Variants in RGS9 observed in about 807,000 individuals in gnomAD.
RGS9 encodes regulator of G-protein signalling 9.
Under a neutral mutation model 102.0 loss-of-function variants are expected in RGS9, and 78 were observed. The ratio of observed to expected loss-of-function variants is 0.76; its 90% CI spans 0.64 to 0.92. RGS9 has a LOEUF of 0.92. RGS9 is among the 40% of genes least tolerant of loss of function. RGS9 has a pLI of 0.00. For missense variants in RGS9, 833 were observed against 866.1 expected (o/e 0.96, Z 0.48); for synonymous variants, 353 against 318.6 (o/e 1.11, Z -1.15).
intron 1 of RGS9, among the ~76,000 whole-genome samples, chr17:65,145,548 C>A (rs1432718288): frequency 7.9e-6 from 1 of 126,524 alleles, no homozygotes; most frequent in Non-Finnish European, 1.6e-5. Flanking sequence ...CCACTCCTGG[C>A]TATTTTTTTT....
intron 13 of RGS9, among the ~76,000 whole-genome samples, chr17:65,197,599 G>A (rs575869232): frequency 9.9e-5 from 15 of 152,218 alleles, no homozygotes; most frequent in African/African-American, 3.4e-4. Context: ...AGGAAGGGAA[G>A]GGAGACAGGC....
At chr17:65,177,920 AAG>A in intron 9 of RGS9, 117 bp downstream of exon 9, 4 of 841,322 alleles carry the variant, frequency 4.8e-6, no homozygotes, top group Non-Finnish European at 6.1e-6. Flanking sequence ...GAGACTATCA[AAG>A]AGAGGAGGAC....
chr17:65,197,512 A>G (rs1339820641), intron 13 of RGS9, among the ~76,000 whole-genome samples: 1 of 152,166 alleles, frequency 6.6e-6, no homozygotes, highest in Non-Finnish European at 1.5e-5. Flanking sequence ...TGAGGGCTCC[A>G]TCCATCCTGG....
At chr17:65,177,243 T>C (rs780502861) in intron 8 of RGS9, among the ~76,000 whole-genome samples, 1 of 151,396 alleles carries the variant, frequency 6.6e-6, no homozygotes, top group Non-Finnish European at 1.5e-5. Context: ...TATTCATTCA[T>C]CCATCCACCC....
At chr17:65,151,121 G>A (rs1305759173) in intron 1 of RGS9, among the ~76,000 whole-genome samples, 2 of 152,166 alleles carry the variant, frequency 1.3e-5, no homozygotes, top group South Asian at 2.1e-4. Flanking sequence ...GAGGCAGGTG[G>A]ATCACTTGAG....
chr17:65,189,185 G>A, intron 9 of RGS9, 101 bp from the exon 10 acceptor site: 1 of 941,146 alleles, frequency 1.1e-6, no homozygotes, highest in Non-Finnish European at 1.7e-6. Context: ...AAAAAAATGG[G>A]CATTTTTCTC....
chr17:65,157,897 C>T (rs578016853), intron 2 of RGS9, among the ~76,000 whole-genome samples: 29 of 151,260 alleles, frequency 1.9e-4, no homozygotes, highest in Non-Finnish European at 3.1e-4. Flanking sequence ...CAGCTTGCCT[C>T]GGGTCTGTTT....
At chr17:65,170,304 C>T (rs772242208) in intron 8 of RGS9, among the ~76,000 whole-genome samples, 6 of 152,144 alleles carry the variant, frequency 3.9e-5, no homozygotes, top group Admixed American at 1.3e-4. Context: ...CTGCCTGCCT[C>T]GGCCTCCCAA....
chr17:65,174,454 TG>T (rs1911539441), intron 8 of RGS9, among the ~76,000 whole-genome samples: 1 of 151,912 alleles, frequency 6.6e-6, no homozygotes, highest in Non-Finnish European at 1.5e-5. Context: ...CATGTGTGCA[TG>T]TGTGTGAGCA....
At chr17:65,165,542 A>G (rs1162018630) in intron 7 of RGS9, among the ~76,000 whole-genome samples, 1 of 152,054 alleles carries the variant, frequency 6.6e-6, no homozygotes, top group African/African-American at 2.4e-5. Flanking sequence ...GCTACTCAAG[A>G]TCTCATGTTG....
At chr17:65,170,556 C>T (rs1469205337) in intron 8 of RGS9, among the ~76,000 whole-genome samples, 1 of 152,186 alleles carries the variant, frequency 6.6e-6, no homozygotes, top group Non-Finnish European at 1.5e-5. Context: ...GCACTTCTGC[C>T]TCTCATGACA....
At chr17:65,162,145 A>G (rs982666444) in intron 6 of RGS9, among the ~76,000 whole-genome samples, 1 of 152,132 alleles carries the variant, frequency 6.6e-6, no homozygotes, top group Non-Finnish European at 1.5e-5. Context: ...TAATCCCAGC[A>G]TTTTGGGAGG....
intron 1 of RGS9, among the ~76,000 whole-genome samples, chr17:65,148,781 C>G (rs745612359): frequency 6.6e-6 from 1 of 152,050 alleles, no homozygotes; most frequent in African/African-American, 2.4e-5. Context: ...CTCCTGGGCT[C>G]GAGTGATCTT....
At chr17:65,177,929 G>A (rs1911710585) in intron 9 of RGS9, 126 bp downstream of exon 9, 2 of 796,788 alleles carry the variant, frequency 2.5e-6, no homozygotes, top group South Asian at 2.8e-5. Flanking sequence ...AAAGAGAGGA[G>A]GACCGTGGGC....
At chr17:65,179,663 G>A (rs1911782700) in intron 9 of RGS9, among the ~76,000 whole-genome samples, 1 of 151,568 alleles carries the variant, frequency 6.6e-6, no homozygotes, top group African/African-American at 2.4e-5. Flanking sequence ...GTGTGTGTGT[G>A]TGTGTGTGTG....
chr17:65,150,603 CAG>C (rs1178287149), intron 1 of RGS9, among the ~76,000 whole-genome samples: 1 of 152,164 alleles, frequency 6.6e-6, no homozygotes, highest in Non-Finnish European at 1.5e-5. Context: ...GCCTGAGCAA[CAG>C]AGAGAAACTC....
In RGS9 at chr17:65,137,457, G is replaced by A; in HGVS notation, c.-84G>A. 1 of 1,431,666 alleles carries A rather than the reference G, an allele frequency of 7.0e-7. No homozygotes were observed. The highest frequency in any genetic ancestry group is 2.3e-5 in the East Asian group (1 of 43,934). The allele number at this position is 1,431,666 out of a possible 1,614,324, so 88.7% of individuals were successfully genotyped here. On this transcript the variant is annotated 5_prime_UTR_variant, in exon 1 of 19. Coordinates refer to ENST00000262406, the MANE Select transcript of RGS9 (RefSeq NM_003835.4). ...CCCCGTCGACGCCCAGGGCTGGGGC[G>A]AGCCAGGCTGCCTTTCGAACTTGGG... is the stretch of plus-strand genomic sequence containing the variant.
rs982923069 is a variant in RGS9 at position 65,177,769 on chromosome 17, G to T, written c.620G>T (p.Arg207Leu). Residue 207 changes from arginine to leucine, a missense_variant, in exon 9 of 19, where the codon CGA (arginine) becomes CTA (leucine). Physicochemically the swap from Arg to Leu is moderately radical, Grantham distance 102 (BLOSUM62 -2). Coordinates refer to ENST00000262406, the MANE Select transcript of RGS9 (RefSeq NM_003835.4). ...MDNVLDYGLD[R>L]VTNPNEVKVN... ...AATGTGCTGGACTACGGCCTGGACC[G>T]AGTGACCAATCCGAATGAAGTCAAG... The T allele has an allele frequency of 8.7e-6, 14 of 1,614,082 alleles. No homozygotes were observed. The highest frequency in any genetic ancestry group is 2.7e-5 in the African/African-American group (2 of 74,930).
At chr17:65,214,101 A>G (rs968424702) in intron 17 of RGS9, among the ~76,000 whole-genome samples, 3 of 152,110 alleles carry the variant, frequency 2.0e-5, no homozygotes, top group African/African-American at 7.2e-5. Context: ...AGCTGGGACT[A>G]TAGGTGTGCG....
Sources: allele counts gnomAD v4.1 joint callset (sites outside exome capture counted in the v4.1 genomes callset), GRCh38; gene constraint gnomAD v4.1.1; transcripts MANE v1.5; gene names NCBI Gene and HGNC (gene_info 2026-07-23, HGNC 2026-07-21).